SRGAP2: variants seen among roughly 807,000 people sequenced by gnomAD.
SRGAP2 encodes SLIT-ROBO Rho GTPase activating protein 2.
In SRGAP2, 15 loss-of-function variants were observed where a neutral mutation model predicts 57.2. That is an observed-to-expected ratio of 0.26 (90% CI 0.18 to 0.40). SRGAP2 has a LOEUF of 0.40. Among genes scored for constraint, SRGAP2 ranks in the 10% least tolerant of loss-of-function variants. The pLI is 1.00. For missense variants in SRGAP2, 520 were observed against 669.6 expected, an observed-to-expected ratio of 0.78 and a Z score of 2.47; for synonymous variants, 249 against 248.0, an observed-to-expected ratio of 1.00 and a Z score of -0.04.
intron 4 of SRGAP2, among the ~76,000 whole-genome samples, chr1:206,347,408 T>C (rs1571920431): frequency 6.7e-6 from 1 of 150,270 alleles, no homozygotes; most frequent in Admixed American, 6.6e-5. Context: ...TGAAACCCCG[T>C]CTCTACAAAA....
intron 13 of SRGAP2, among the ~76,000 whole-genome samples, chr1:206,421,671 G>A (rs1210419304): frequency 6.6e-6 from 1 of 152,150 alleles, no homozygotes; most frequent in Non-Finnish European, 1.5e-5. Context: ...CTTTAAGTTG[G>A]CAGATTTTGT....
rs562310688 is a variant in SRGAP2 at position 206,419,533 on chromosome 1, G to A, written c.1469+133G>A. The A allele has an allele frequency of 4.1e-5, 28 of 689,298 alleles. No individual in the cohort carries two copies. In the African/African-American group the frequency reaches 4.8e-4, roughly 12 times the overall value. 42.7% of individuals were successfully genotyped at this position (689,298 alleles called of 1,614,324 possible). ...TTTACAAAGCAATGGCCTGGGGCGG[G>A]GTTTGTTTACTTCCCTTTGCCTTAC... On this transcript the variant is annotated intron_variant, in intron 12 of 22. Coordinates refer to ENST00000573034, the MANE Select transcript of SRGAP2 (RefSeq NM_015326.5).
intron 2 of SRGAP2, chr1:206,208,304 T>C (rs1481200496): frequency 6.6e-6 from 1 of 150,994 alleles, no homozygotes; most frequent in African/African-American, 2.4e-5. Context: ...TGATAATAGA[T>C]TACATTTTGG....
intron 3 of SRGAP2, among the ~76,000 whole-genome samples, chr1:206,304,671 TAATCTTCCTGGA>T (rs1672085256): frequency 6.7e-6 from 1 of 149,150 alleles, no homozygotes; most frequent in South Asian, 2.2e-4. Context: ...TGATCGGAGT[TAATCTTCCTGGA>T]ACACACTGGC....
At chr1:206,277,664 TTATC>T (rs1252986185) in intron 2 of SRGAP2, among the ~76,000 whole-genome samples, 4,105 of 151,054 alleles carry the variant, frequency 0.027, 170 homozygotes, top group African/African-American at 0.095. Context: ...TTTCAGTTGT[TTATC>T]TATGAGTAGA....
At chr1:206,439,750 C>T (rs979159020) in intron 16 of SRGAP2, among the ~76,000 whole-genome samples, 9 of 152,150 alleles carry the variant, frequency 5.9e-5, no homozygotes, top group Non-Finnish European at 2.9e-5. Flanking sequence ...GAAGTATACA[C>T]CTTACATCCG....
At chr1:206,421,845 T>A (rs1553364503) in intron 13 of SRGAP2, among the ~76,000 whole-genome samples, 1 of 152,228 alleles carries the variant, frequency 6.6e-6, no homozygotes, top group Non-Finnish European at 1.5e-5. Flanking sequence ...GGCAGCCAGC[T>A]CTCATTACCC....
At chr1:206,389,518 C>A (rs1374529939) in intron 5 of SRGAP2, among the ~76,000 whole-genome samples, 1 of 151,866 alleles carries the variant, frequency 6.6e-6, no homozygotes, top group Non-Finnish European at 1.5e-5. Flanking sequence ...TTTAGCTCTA[C>A]CTTCATCCCA....
chr1:206,203,763 T>C (rs1553299990), intron 1 of SRGAP2, 113 bp downstream of exon 1: 1 of 1,473,342 alleles, frequency 6.8e-7, no homozygotes, highest in African/African-American at 1.4e-5. Context: ...GCTCGCGGCA[T>C]CGCCTTAGCG....
intron 2 of SRGAP2, among the ~76,000 whole-genome samples, chr1:206,229,607 T>C (rs1398386280): frequency 2.6e-5 from 4 of 152,036 alleles, no homozygotes; most frequent in Non-Finnish European, 1.5e-5. Flanking sequence ...GGATACAGGA[T>C]AGTGAAGGAT....
At chr1:206,326,980 G>GTCATGCCC (rs1304148571) in intron 3 of SRGAP2, among the ~76,000 whole-genome samples, 1 of 151,880 alleles carries the variant, frequency 6.6e-6, no homozygotes, top group Non-Finnish European at 1.5e-5. Flanking sequence ...GTGAACCATG[G>GTCATGCCC]TCATGCCCCT....
At chr1:206,437,666 G>A (rs1661892746) in intron 15 of SRGAP2, 1 of 304,262 alleles carries the variant, frequency 3.3e-6, no homozygotes, top group Non-Finnish European at 6.1e-6. Context: ...CATGATTCTT[G>A]TGAGATACAG....
chr1:206,441,172 A>G (rs1662262795), intron 17 of SRGAP2, among the ~76,000 whole-genome samples: 2 of 152,210 alleles, frequency 1.3e-5, no homozygotes, highest in Admixed American at 1.3e-4. Context: ...AAAGGAATCA[A>G]GACAATGTGT....
At chr1:206,448,772 T>C (rs369086344) in intron 18 of SRGAP2, among the ~76,000 whole-genome samples, 3 of 151,108 alleles carry the variant, frequency 2.0e-5, no homozygotes. Context: ...ATCTCAAAGG[T>C]TTCCAGAACA....
In SRGAP2 at chr1:206,430,148, C is replaced by G. The variant is rs782422310; in HGVS notation, c.1495-14C>G. The G allele has an allele frequency of 1.3e-6, 1 of 780,698 alleles. No individual in the cohort carries two copies. The allele number at this position is 780,698 out of a possible 1,614,324, so 48.4% of individuals were successfully genotyped here. On this transcript the variant is annotated splice_polypyrimidine_tract_variant and intron_variant, in intron 13 of 22. Coordinates refer to ENST00000573034, the MANE Select transcript of SRGAP2 (RefSeq NM_015326.5). ...TTGAATATTCTAATGTTGTGTTTCC[C>G]TTTGGCTTTTCAGGACTCCAGCCAG... is the stretch of plus-strand genomic sequence containing the variant.
At chr1:206,276,850 A>G (rs1255103884) in intron 2 of SRGAP2, among the ~76,000 whole-genome samples, 2 of 152,146 alleles carry the variant, frequency 1.3e-5, no homozygotes, top group Admixed American at 1.3e-4. Context: ...GCGGATTCTG[A>G]ATTTGTCAAT....
intron 10 of SRGAP2, among the ~76,000 whole-genome samples, chr1:206,415,403 C>CA (rs1234786684): frequency 6.6e-6 from 1 of 152,188 alleles, no homozygotes; most frequent in Non-Finnish European, 1.5e-5. Context: ...GGATATGGCT[C>CA]AAAGATGCTC....
chr1:206,442,930 C>T (rs1213324251), intron 17 of SRGAP2, among the ~76,000 whole-genome samples: 1 of 152,118 alleles, frequency 6.6e-6, no homozygotes, highest in African/African-American at 2.4e-5. Context: ...TACTTTATTT[C>T]TGGCTACTGT....
At chr1:206,314,703 G>T (rs1672937486) in intron 3 of SRGAP2, among the ~76,000 whole-genome samples, 1 of 151,986 alleles carries the variant, frequency 6.6e-6, no homozygotes, top group Non-Finnish European at 1.5e-5. Context: ...GAACAAAGGG[G>T]AAACTTCCTT....
Sources: gnomAD v4.1 joint callset for allele counts (sites outside exome capture counted in the v4.1 genomes callset) on GRCh38, gnomAD v4.1.1 for gene constraint, MANE v1.5 for transcripts, NCBI Gene and HGNC (gene_info 2026-07-23, HGNC 2026-07-21) for gene names.